Variants in DRC8 observed in about 807,000 individuals in gnomAD.
DRC8 encodes the protein dynein regulatory complex subunit 8, also known as dynein regulatory complex protein 8.
chr1:245,039,765 C>T, the DRC8 span, among the ~76,000 whole-genome samples: 5 of 152,020 alleles, frequency 3.3e-5, no homozygotes, highest in Non-Finnish European at 7.4e-5. Flanking sequence ...TAGAATGTCC[C>T]TCAGTTTGGG....
the DRC8 span, among the ~76,000 whole-genome samples, chr1:244,995,532 A>T: frequency 3.9e-5 from 6 of 151,982 alleles, no homozygotes; most frequent in Non-Finnish European, 2.9e-5. Context: ...CTATTTTTAA[A>T]TTTTTTTGTA....
At chr1:244,970,364 C>T in the DRC8 span, 1 of 1,530,880 alleles carries the variant, frequency 6.5e-7, no homozygotes, top group Non-Finnish European at 8.7e-7. Context: ...CAGGCCGGGA[C>T]ACCGCGGCCG....
the DRC8 span, among the ~76,000 whole-genome samples, chr1:245,024,655 C>T: frequency 1.3e-5 from 2 of 150,984 alleles, no homozygotes; most frequent in Non-Finnish European, 2.9e-5. Flanking sequence ...TCATGCCATT[C>T]TCCTGTCTCA....
chr1:244,987,253 TGCAATG>T, the DRC8 span, among the ~76,000 whole-genome samples: 775 of 151,456 alleles, frequency 5.1e-3, 5 homozygotes, highest in Non-Finnish European at 5.3e-3. Flanking sequence ...CTGGCTGGAG[TGCAATG>T]GCGCGTTCTC....
chr1:245,060,255 CACTT>C, the DRC8 span, among the ~76,000 whole-genome samples: 5 of 152,168 alleles, frequency 3.3e-5, no homozygotes, highest in African/African-American at 9.7e-5. Context: ...CGTGGTGAGT[CACTT>C]AACCCCTGTT....
the DRC8 span, among the ~76,000 whole-genome samples, chr1:245,020,558 T>C: frequency 1.3e-5 from 2 of 151,926 alleles, no homozygotes; most frequent in African/African-American, 4.8e-5. Context: ...TTTAAGACAG[T>C]ATTTGTTCTT....
the DRC8 span, among the ~76,000 whole-genome samples, chr1:244,974,501 A>G: frequency 3.3e-5 from 5 of 152,208 alleles, no homozygotes; most frequent in Admixed American, 1.3e-4. Context: ...TCACCTCCTA[A>G]ATGGAAGAGG....
At chr1:244,989,236 T>C in the DRC8 span, among the ~76,000 whole-genome samples, 48 of 152,182 alleles carry the variant, frequency 3.2e-4, no homozygotes, top group Middle Eastern at 3.2e-3. Context: ...GCCAATAAAG[T>C]AATTTTAAAA....
chr1:245,071,309 G>C, the DRC8 span, among the ~76,000 whole-genome samples: 16 of 152,180 alleles, frequency 1.1e-4, no homozygotes, highest in African/African-American at 2.9e-4. Context: ...TCAGAGAAGA[G>C]ATCTGTAGAG....
At chr1:245,052,275 G>T in the DRC8 span, among the ~76,000 whole-genome samples, 307 of 152,330 alleles carry the variant, frequency 2.0e-3, 2 homozygotes, top group African/African-American at 7.0e-3. Flanking sequence ...GCAGTGCTTT[G>T]CAGGAACAAA....
At chr1:245,095,668 T>TAG in the DRC8 span, among the ~76,000 whole-genome samples, 1 of 152,204 alleles carries the variant, frequency 6.6e-6, no homozygotes, top group South Asian at 2.1e-4. Flanking sequence ...GAACCGGGAT[T>TAG]AGAGCCACCA....
chr1:244,980,123 G>T, the DRC8 span, among the ~76,000 whole-genome samples: 1 of 149,216 alleles, frequency 6.7e-6, no homozygotes, highest in South Asian at 2.1e-4. Flanking sequence ...GGAGGCTGAG[G>T]CAGGACAATG....
At chr1:245,107,000 C>T in the DRC8 span, among the ~76,000 whole-genome samples, 2 of 152,150 alleles carry the variant, frequency 1.3e-5, no homozygotes, top group African/African-American at 4.8e-5. Context: ...GCCAAGATTG[C>T]GCCATTGCAC....
the DRC8 span, among the ~76,000 whole-genome samples, chr1:245,119,073 G>A: frequency 1.3e-5 from 2 of 152,150 alleles, no homozygotes; most frequent in East Asian, 3.9e-4. Flanking sequence ...TGTTATGCGA[G>A]GGTGGGAAAA....
At chr1:245,093,831 T>C in the DRC8 span, among the ~76,000 whole-genome samples, 1 of 152,184 alleles carries the variant, frequency 6.6e-6, no homozygotes, top group Non-Finnish European at 1.5e-5. Context: ...TGGTTTTATA[T>C]GTGTGGCAGG....
At chr1:245,087,672 A>G in the DRC8 span, 3 of 1,038,516 alleles carry the variant, frequency 2.9e-6, no homozygotes, top group Non-Finnish European at 3.5e-6. Flanking sequence ...ACAAAATGAA[A>G]ATGACTTAAT....
At chr1:245,034,373 G>A in the DRC8 span, among the ~76,000 whole-genome samples, 1 of 152,100 alleles carries the variant, frequency 6.6e-6, no homozygotes, top group East Asian at 1.9e-4. Flanking sequence ...GGCCAAGGCA[G>A]GCGAATCTTT....
chr1:245,009,695 C>T, the DRC8 span, among the ~76,000 whole-genome samples: 1 of 152,046 alleles, frequency 6.6e-6, no homozygotes, highest in Non-Finnish European at 1.5e-5. Flanking sequence ...TCTCGATCTC[C>T]TGACCTCCTG....
chr1:245,115,436 C>G, the DRC8 span, among the ~76,000 whole-genome samples: 6 of 152,234 alleles, frequency 3.9e-5, no homozygotes, highest in South Asian at 2.1e-4. Flanking sequence ...GAGTGGCTGT[C>G]CCTTCTGGGA....
Sources: gnomAD v4.1 joint callset for allele counts (sites outside exome capture counted in the v4.1 genomes callset) on GRCh38, gnomAD v4.1.1 for gene constraint, MANE v1.5 for transcripts, NCBI Gene and HGNC (gene_info 2026-07-23, HGNC 2026-07-21) for gene names.